Variants in RASEF observed in about 807,000 individuals in gnomAD.
RASEF encodes RAS and EF-hand domain containing.
In RASEF, 68 loss-of-function variants were observed where a neutral mutation model predicts 90.1. That is an observed-to-expected ratio of 0.75 (90% CI 0.62 to 0.92). The LOEUF is 0.92. Among genes scored for constraint, RASEF ranks in the 40% least tolerant of loss-of-function variants. The pLI, the probability that RASEF is intolerant of heterozygous loss-of-function variation, is 0.00. For missense variants in RASEF, 949 were observed against 937.2 expected (o/e 1.01, Z -0.16); for synonymous variants, 331 against 345.2 (o/e 0.96, Z 0.46).
At chr9:83,041,621 A>C (rs1172084328) in intron 1 of RASEF, among the ~76,000 whole-genome samples, 1 of 152,202 alleles carries the variant, frequency 6.6e-6, no homozygotes, top group Non-Finnish European at 1.5e-5. Flanking sequence ...CTTGGGGTAC[A>C]TTCTCCACAA....
At chr9:83,034,742 A>G (rs1829708276) in intron 1 of RASEF, among the ~76,000 whole-genome samples, 1 of 152,196 alleles carries the variant, frequency 6.6e-6, no homozygotes, top group Non-Finnish European at 1.5e-5. Flanking sequence ...GATAAGTGGA[A>G]TGACCTGGGT....
chr9:83,129,504 G>C, the RASEF span, among the ~76,000 whole-genome samples: 1 of 151,088 alleles, frequency 6.6e-6, no homozygotes, highest in Non-Finnish European at 1.5e-5. Context: ...TTAAGTTTTT[G>C]TTATAAATAG....
intron 1 of RASEF, among the ~76,000 whole-genome samples, chr9:83,042,877 G>A (rs376680403): frequency 1.3e-5 from 2 of 152,248 alleles, no homozygotes; most frequent in South Asian, 4.1e-4. Flanking sequence ...GACCCAGGAA[G>A]GAAGGAAGTA....
chr9:83,080,560 G>A, the RASEF span, among the ~76,000 whole-genome samples: 1 of 152,054 alleles, frequency 6.6e-6, no homozygotes, highest in African/African-American at 2.4e-5. Flanking sequence ...AACTTCCAAG[G>A]ACTTTCCCTA....
the RASEF span, among the ~76,000 whole-genome samples, chr9:83,162,264 G>GTAGCC: frequency 6.6e-6 from 1 of 152,048 alleles, no homozygotes; most frequent in East Asian, 1.9e-4. Context: ...TTTCAATTTT[G>GTAGCC]TAGCCATAAA....
the RASEF span, among the ~76,000 whole-genome samples, chr9:83,128,024 T>TA: frequency 8.9e-6 from 1 of 112,038 alleles, no homozygotes; most frequent in East Asian, 3.6e-4. Flanking sequence ...ATTTTTCTTT[T>TA]CTTTTTTTTT....
At position 83,062,762 on chromosome 9, in the gene RASEF, G is replaced by T; in HGVS notation, c.106C>A (p.Leu36Met). The change falls in exon 1 of 17, where the codon CTG becomes ATG. Residue 36 changes from leucine to methionine, a missense_variant. By Grantham distance (15) the Leu-to-Met change is conservative (BLOSUM62 2). Coordinates refer to ENST00000376447, the MANE Select transcript of RASEF (RefSeq NM_152573.4). The stretch of plus-strand genomic sequence containing the variant: ...GGCCGCACCCGCAGCTCCGTGCACA[G>T]TGCCCGGAACTCCTCGCGCTCCAGG... ...GRLEREEFRA[L>M]CTELRVRPAD... The T allele has an allele frequency of 6.4e-7, 1 of 1,565,310 alleles. No individual in the cohort carries two copies. The highest frequency in any genetic ancestry group is 8.6e-7 in the Non-Finnish European group (1 of 1,164,534).
At chr9:83,114,070 C>T in the RASEF span, among the ~76,000 whole-genome samples, 1 of 152,120 alleles carries the variant, frequency 6.6e-6, no homozygotes, top group East Asian at 1.9e-4. Context: ...CTTAGACCGG[C>T]CAACACTTAG....
chr9:83,062,421 C>G lies in RASEF; in HGVS notation c.431+16G>C, dbSNP rs558592566. 6.2e-7 allele frequency: 1 copy of G among 1,611,972 alleles called. No individual in the cohort carries two copies. Among genetic ancestry groups the G allele is most frequent in the East Asian group, 2.2e-5 (1 of 44,776 alleles). On this transcript the variant is annotated intron_variant, in intron 1 of 16. Transcript: ENST00000376447. Reference sequence around the variant, plus strand: ...AAGCGCCAGAATAACCTCCCGCCCCCAGCTCACACTCGCACCTGGGAATGA... The same window carrying G: ...AAGCGCCAGAATAACCTCCCGCCCCGAGCTCACACTCGCACCTGGGAATGA...
chr9:83,014,216 T>G (rs994397251), intron 4 of RASEF, among the ~76,000 whole-genome samples: 10 of 152,246 alleles, frequency 6.6e-5, no homozygotes, highest in African/African-American at 2.4e-4. Flanking sequence ...TGATATTCAT[T>G]TTCTAAGGAG....
At chr9:83,031,635 T>G (rs767172053) in intron 1 of RASEF, among the ~76,000 whole-genome samples, 20 of 152,192 alleles carry the variant, frequency 1.3e-4, no homozygotes, top group Admixed American at 2.0e-4. Context: ...TCAGGGGTCT[T>G]AAGTACATAC....
At chr9:83,007,899 T>C (rs1242263244) in intron 6 of RASEF, among the ~76,000 whole-genome samples, 1 of 152,190 alleles carries the variant, frequency 6.6e-6, no homozygotes, top group Non-Finnish European at 1.5e-5. Flanking sequence ...TTCAATCCTC[T>C]GAACCTTCCC....
chr9:83,157,298 T>G, the RASEF span, among the ~76,000 whole-genome samples: 2 of 152,256 alleles, frequency 1.3e-5, no homozygotes, highest in East Asian at 3.8e-4. Context: ...TACTATGGTT[T>G]GAATGTGTCC....
chr9:83,152,845 G>A, the RASEF span, among the ~76,000 whole-genome samples: 15 of 152,160 alleles, frequency 9.9e-5, no homozygotes, highest in African/African-American at 2.6e-4. Flanking sequence ...AACTGTAACC[G>A]AGAGATAACT....
At chr9:83,161,475 C>T in the RASEF span, among the ~76,000 whole-genome samples, 1 of 152,172 alleles carries the variant, frequency 6.6e-6, no homozygotes, top group Non-Finnish European at 1.5e-5. Context: ...CTGCATTTAC[C>T]TAATGCCTGT....
chr9:83,094,921 T>C, the RASEF span, among the ~76,000 whole-genome samples: 1 of 152,172 alleles, frequency 6.6e-6, no homozygotes, highest in African/African-American at 2.4e-5. Flanking sequence ...TCAATAATAA[T>C]TAAGGTAGCC....
chr9:83,130,839 C>A, the RASEF span, among the ~76,000 whole-genome samples: 1 of 152,064 alleles, frequency 6.6e-6, no homozygotes, highest in East Asian at 1.9e-4. Flanking sequence ...GAGCAAATAC[C>A]CAGGTTGTCC....
the RASEF span, among the ~76,000 whole-genome samples, chr9:83,169,968 G>GTGC: frequency 1.3e-5 from 2 of 151,972 alleles, no homozygotes; most frequent in African/African-American, 4.8e-5. Flanking sequence ...TTTGTTGCCT[G>GTGC]TGCTTCTAAG....
At position 82,998,529 on chromosome 9, in the gene RASEF, A is replaced by C. The variant is rs1828964254; in HGVS notation, c.1724-83T>G. On this transcript the variant is annotated intron_variant, in intron 12 of 16. Coordinates refer to ENST00000376447, the MANE Select transcript of RASEF (RefSeq NM_152573.4). ...TTTCAAGCCTTCTTTAGATGAAGCA[A>C]AAGCCAATAATACACAGCTCAGCCA... is the stretch of plus-strand genomic sequence containing the variant. The C allele has an allele frequency of 1.3e-5, 11 of 866,116 alleles. No homozygotes were observed. In the South Asian group the frequency reaches 1.5e-4, roughly 12 times the overall value. The allele number at this position is 866,116 out of a possible 1,614,324, so 53.7% of individuals were successfully genotyped here. A position where few individuals can be genotyped will look rare whatever the true frequency, so the allele number is the denominator to read the frequency against.
Sources: gnomAD v4.1 joint callset for allele counts (sites outside exome capture counted in the v4.1 genomes callset) on GRCh38, gnomAD v4.1.1 for gene constraint, MANE v1.5 for transcripts, NCBI Gene and HGNC (gene_info 2026-07-23, HGNC 2026-07-21) for gene names.